LRRC61: variants seen among roughly 807,000 people sequenced by gnomAD.
LRRC61 encodes the protein leucine rich repeat containing 61.
A neutral mutation model predicts 15.1 loss-of-function variants in LRRC61; 9 were observed. The observed-to-expected ratio is 0.60, with a 90% CI of 0.36 to 1.04. LRRC61 has a LOEUF of 1.04. Ranked by LOEUF, LRRC61 falls within the 50% of genes least tolerant of loss-of-function variation. The pLI, the probability that LRRC61 is intolerant of heterozygous loss-of-function variation, is 0.01. For synonymous variants in LRRC61, 173 were observed against 158.6 expected, an observed-to-expected ratio of 1.09 and a Z score of -0.68; for missense variants, 344 against 335.6, an observed-to-expected ratio of 1.03 and a Z score of -0.20.
the LRRC61 span, among the ~76,000 whole-genome samples, chr7:150,315,188 T>A: frequency 2.7e-5 from 4 of 150,760 alleles, no homozygotes; most frequent in Admixed American, 2.6e-4. Flanking sequence ...TAGGCAAAGA[T>A]TTCTCTAAAA....
chr7:150,329,151 G>C (rs983238651), intron 2 of LRRC61, among the ~76,000 whole-genome samples: 2 of 152,212 alleles, frequency 1.3e-5, no homozygotes, highest in African/African-American at 4.8e-5. Flanking sequence ...TCAATAGGCT[G>C]GGTCCTCCAT....
the LRRC61 span, among the ~76,000 whole-genome samples, chr7:150,318,046 T>G: frequency 6.6e-6 from 1 of 152,138 alleles, no homozygotes; most frequent in African/African-American, 2.4e-5. Context: ...CTCAATGGGA[T>G]GATGTCGGGA....
chr7:150,321,633 G>A (rs1335871353), upstream of LRRC61, among the ~76,000 whole-genome samples: 1 of 152,126 alleles, frequency 6.6e-6, no homozygotes, highest in Non-Finnish European at 1.5e-5. Context: ...TTAGCTACTT[G>A]GGAGACTGAG....
Position 150,333,007 on chromosome 7 carries a change from G to C in LRRC61, c.-144-3711G>C, listed in dbSNP as rs1798161261. On this transcript the variant is annotated intron_variant, in intron 2 of 2. Coordinates refer to ENST00000359623, the MANE Select transcript of LRRC61 (RefSeq NM_001142928.2). This position sits in a 1 kb window ranked among gnomAD's most constrained non-coding sequence, Gnocchi z 4.3. ...GATCCGAGAATGTGATGCATCCTCA[G>C]GTTGCCTTGGGCAGCGTGCGTGACT... Among the ~76,000 whole-genome samples the C allele has an allele frequency of 6.6e-6, 1 of 152,216 alleles. No individual in the cohort carries two copies. Among genetic ancestry groups the C allele is most frequent in the South Asian group, 2.1e-4 (1 of 4,828 alleles).
In LRRC61 at chr7:150,323,553, C is replaced by T. The variant is rs1797794006; in HGVS notation, c.-322C>T. ...GTGGCTCCGCAGGCTGCCGGCTCCA[C>T]CCCTCAGGTAAGCGGGGACTGGGCC... On this transcript the variant is annotated 5_prime_UTR_variant, in exon 1 of 3. Coordinates refer to ENST00000359623, the MANE Select transcript of LRRC61 (RefSeq NM_001142928.2). The T allele has an allele frequency of 2.3e-6, 1 of 439,762 alleles. No homozygotes were observed. Among genetic ancestry groups the T allele is most frequent in the Admixed American group, 2.5e-5 (1 of 40,236 alleles). 27.2% of individuals were successfully genotyped at this position (439,762 alleles called of 1,614,324 possible).
Position 150,337,255 on chromosome 7 carries a change from C to T in LRRC61, c.394C>T (p.Pro132Ser). 1 of 1,603,824 alleles carries T rather than the reference C, an allele frequency of 6.2e-7. No homozygotes were observed. The highest frequency in any genetic ancestry group is 8.5e-7 in the Non-Finnish European group (1 of 1,179,922). Reference protein sequence around the residue: ...PCLEYLRLRDPLARLSNPLCA... With the variant: ...PCLEYLRLRDSLARLSNPLCA... ...CCTGGAGTACCTGCGGCTCCGAGAC[C>T]CTTTGGCCCGGCTCAGCAACCCGCT... Residue 132 changes from proline (P) to serine (S), a missense_variant, in exon 3 of 3, where the codon CCT becomes TCT. Physicochemically the swap from Pro to Ser is moderately conservative, Grantham distance 74 (BLOSUM62 -1). Coordinates refer to ENST00000359623, the MANE Select transcript of LRRC61 (RefSeq NM_001142928.2).
rs1037552417 is a variant in LRRC61 at position 150,335,147 on chromosome 7, C to T, written c.-144-1571C>T. ...CCATTGCTTCCTGCCCTCCTTAGGGCCTGTATCTTTTGTTTTCACAGCAGA... is the reference window on the plus strand; with the variant it reads ...CCATTGCTTCCTGCCCTCCTTAGGGTCTGTATCTTTTGTTTTCACAGCAGA... On this transcript the variant is annotated intron_variant, in intron 2 of 2. Transcript: ENST00000359623. The surrounding 1 kb of genome is among the most constrained non-coding windows in gnomAD (Gnocchi z 4.3). 1.1e-4 allele frequency among the ~76,000 whole-genome samples: 16 copies of T among 151,680 alleles called. No individual in the cohort carries two copies. In the East Asian group the frequency reaches 3.1e-3, roughly 29 times the overall value.
upstream of LRRC61, among the ~76,000 whole-genome samples, chr7:150,321,747 T>A (rs1391231660): frequency 2.0e-5 from 3 of 151,828 alleles, no homozygotes; most frequent in African/African-American, 7.3e-5. Context: ...CTCAAAAAAA[T>A]AAAAATAAAA....
upstream of LRRC61, among the ~76,000 whole-genome samples, chr7:150,318,492 G>A (rs528618752): frequency 2.0e-5 from 3 of 152,176 alleles, no homozygotes; most frequent in African/African-American, 4.8e-5. Flanking sequence ...TGCCAGTTGC[G>A]GTGGCTCACG....
In LRRC61 at chr7:150,335,060, G is replaced by C. The variant is rs1200105517; in HGVS notation, c.-144-1658G>C. Among the ~76,000 whole-genome samples, 1 of 150,058 alleles carries C rather than the reference G, an allele frequency of 6.7e-6. No homozygotes were observed. Among genetic ancestry groups the C allele is most frequent in the African/African-American group, 2.5e-5 (1 of 40,814 alleles). Reference sequence around the variant, plus strand: ...AAAAAAAAAAAAAAGAAAAAAAGGAGCCCCTGGCATACAGTCACCCAGCAA... The same window carrying C: ...AAAAAAAAAAAAAAGAAAAAAAGGACCCCCTGGCATACAGTCACCCAGCAA... On this transcript the variant is annotated intron_variant, in intron 2 of 2. Coordinates refer to ENST00000359623, the MANE Select transcript of LRRC61 (RefSeq NM_001142928.2). This position sits in a 1 kb window ranked among gnomAD's most constrained non-coding sequence, Gnocchi z 4.3.
chr7:150,323,507 C>T lies in LRRC61; in HGVS notation c.-368C>T, dbSNP rs1278071310. ...GCCGGCTCTGCGGTGCGGAGTTGCG[C>T]CGGACTTCCCAGCTTGGCCAGTGGC... On this transcript the variant is annotated 5_prime_UTR_variant, in exon 1 of 3. Coordinates refer to ENST00000359623, the MANE Select transcript of LRRC61 (RefSeq NM_001142928.2). The T allele has an allele frequency of 4.6e-6, 2 of 434,638 alleles. No homozygotes were observed. Among genetic ancestry groups the T allele is most frequent in the South Asian group, 3.2e-5 (2 of 62,736 alleles). The allele number at this position is 434,638 out of a possible 1,614,324, so 26.9% of individuals were successfully genotyped here.
upstream of LRRC61, among the ~76,000 whole-genome samples, chr7:150,321,374 A>G (rs1280624102): frequency 6.6e-6 from 1 of 152,154 alleles, no homozygotes; most frequent in Non-Finnish European, 1.5e-5. Context: ...GTGAGTCTCA[A>G]TTTTCTGATC....
At chr7:150,329,510 G>A (rs771958812) in intron 2 of LRRC61, among the ~76,000 whole-genome samples, 6 of 152,120 alleles carry the variant, frequency 3.9e-5, no homozygotes, top group Admixed American at 2.0e-4. Flanking sequence ...GCCTGTCTCC[G>A]CCACCCATTG....
At chr7:150,316,638 A>T in the LRRC61 span, among the ~76,000 whole-genome samples, 1 of 152,046 alleles carries the variant, frequency 6.6e-6, no homozygotes, top group Non-Finnish European at 1.5e-5. Flanking sequence ...GATGCGTGCC[A>T]TCACGCTCAG....
At chr7:150,312,131 C>CA in the LRRC61 span, among the ~76,000 whole-genome samples, 1 of 152,186 alleles carries the variant, frequency 6.6e-6, no homozygotes, top group African/African-American at 2.4e-5. Flanking sequence ...CCAATGCCTC[C>CA]ACACCTGCTA....
chr7:150,327,745 G>A (rs952201658), intron 2 of LRRC61, among the ~76,000 whole-genome samples: 3 of 151,756 alleles, frequency 2.0e-5, no homozygotes, highest in Non-Finnish European at 4.4e-5. Flanking sequence ...GCTTAAGCCT[G>A]GGAGGTTGAG....
chr7:150,309,525 T>C, the LRRC61 span, among the ~76,000 whole-genome samples: 2 of 152,188 alleles, frequency 1.3e-5, no homozygotes, highest in South Asian at 4.1e-4. Context: ...GCGCCTGCTG[T>C]AAGACAAACC....
intron 1 of LRRC61, 126 bp from the exon 2 acceptor site, chr7:150,325,715 A>G (rs920309084): frequency 2.0e-5 from 3 of 152,280 alleles, no homozygotes; most frequent in African/African-American, 7.2e-5. Flanking sequence ...AAAGCAGTCC[A>G]CCCACCTTGG....
rs562476847 is a variant in LRRC61, at chr7:150,333,831, C to T, written c.-144-2887C>T. On this transcript the variant is annotated intron_variant, in intron 2 of 2. Coordinates refer to ENST00000359623, the MANE Select transcript of LRRC61 (RefSeq NM_001142928.2). The surrounding 1 kb of genome is among the most constrained non-coding windows in gnomAD (Gnocchi z 4.3). ...GGTTAGTTGGGTCTGCACAGGTGGG[C>T]GCCGGCTGGTTCTCAGTCCTACTGG... 420 of 929,000 alleles carry T rather than the reference C, an allele frequency of 4.5e-4. 3 individuals carry two copies. The African/African-American group carries it at 6.6e-3, about 15-fold the overall frequency. The allele number at this position is 929,000 out of a possible 1,614,324, so 57.5% of individuals were successfully genotyped here. A position where few individuals can be genotyped will look rare whatever the true frequency, so the allele number is the denominator to read the frequency against.
Sources: gnomAD v4.1 joint callset for allele counts (sites outside exome capture counted in the v4.1 genomes callset) on GRCh38, gnomAD v4.1.1 for gene constraint, Gnocchi (gnomAD v3.1) non-coding constraint, MANE v1.5 for transcripts, NCBI Gene and HGNC (gene_info 2026-07-23, HGNC 2026-07-21) for gene names.